TMX1: variants seen among roughly 807,000 people sequenced by gnomAD.
TMX1 encodes thioredoxin-related transmembrane protein 1.
In TMX1, 25 loss-of-function variants were observed where a neutral mutation model predicts 36.6. That is an observed-to-expected ratio of 0.68 (90% CI 0.50 to 0.95). The LOEUF (loss-of-function observed/expected upper bound fraction) is 0.95. Ranked by LOEUF, TMX1 falls within the 40% of genes least tolerant of loss-of-function variation. The probability of loss-of-function intolerance (pLI) is 0.00; values close to 1 mark genes in which losing one functional copy is unlikely to be tolerated. For synonymous variants in TMX1, 133 were observed against 118.0 expected, an observed-to-expected ratio of 1.13 and a Z score of -0.82; for missense variants, 347 against 339.6, an observed-to-expected ratio of 1.02 and a Z score of -0.17.
At chr14:51,245,507 T>TA (rs2065781717) in intron 3 of TMX1, 149 bp downstream of exon 3, 4 of 1,528,666 alleles carry the variant, frequency 2.6e-6, no homozygotes, top group African/African-American at 2.7e-5. Context: ...TGCTTAGTGT[T>TA]ATCCTAGGTG....
intron 4 of TMX1, among the ~76,000 whole-genome samples, chr14:51,247,506 A>G (rs1202854033): frequency 1.3e-5 from 2 of 151,386 alleles, no homozygotes; most frequent in African/African-American, 2.4e-5. Flanking sequence ...ACAGGTGCCC[A>G]CCGCCACACG....
At chr14:51,241,514 G>T (rs1191251648) in intron 1 of TMX1, among the ~76,000 whole-genome samples, 1 of 152,086 alleles carries the variant, frequency 6.6e-6, no homozygotes, top group African/African-American at 2.4e-5. Flanking sequence ...TGCTGTGCTG[G>T]CTTTCTTTGG....
chr14:51,240,505 G>C (rs1469373343), intron 1 of TMX1, 61 bp downstream of exon 1: 1 of 1,568,642 alleles, frequency 6.4e-7, no homozygotes. Flanking sequence ...CACCCCGCAC[G>C]TTCCTCGTGC....
chr14:51,250,648 C>T lies in TMX1; in HGVS notation c.664+883C>T, dbSNP rs148314643. Among the ~76,000 whole-genome samples the T allele has an allele frequency of 2.8e-3, 419 of 152,258 alleles. 1 individual carries two copies. Among genetic ancestry groups the T allele is most frequent in the South Asian group, 0.013 (64 of 4,824 alleles). On this transcript the variant is annotated intron_variant, in intron 7 of 7. Coordinates refer to ENST00000457354, the MANE Select transcript of TMX1 (RefSeq NM_030755.5). ...CTGGGACTACAGGTGCCCACCACCACGCCCGGCTAATTTTTTGTGTTTTTA... is the reference window on the plus strand; with the variant it reads ...CTGGGACTACAGGTGCCCACCACCATGCCCGGCTAATTTTTTGTGTTTTTA...
rs959559090 is a variant in TMX1 at position 51,256,421 on chromosome 14, A to C, written c.*1902A>C. ...GGAAACATATAATCTCACGGTTCTTAAAGATTGTCACTGTAGACATCTGAG... is the reference window on the plus strand; with the variant it reads ...GGAAACATATAATCTCACGGTTCTTCAAGATTGTCACTGTAGACATCTGAG... On this transcript the variant is annotated 3_prime_UTR_variant, in exon 8 of 8. Transcript: ENST00000457354. 6.6e-6 allele frequency: 1 copy of C among 152,198 alleles called. No homozygotes were observed. Among genetic ancestry groups the C allele is most frequent in the African/African-American group, 2.4e-5 (1 of 41,464 alleles). The allele number at this position is 152,198 out of a possible 1,614,324, so 9.4% of individuals were successfully genotyped here. A position where few individuals can be genotyped will look rare whatever the true frequency, so the allele number is the denominator to read the frequency against.
chr14:51,240,513 T>A, intron 1 of TMX1, 69 bp downstream of exon 1: 1 of 1,557,128 alleles, frequency 6.4e-7, no homozygotes, highest in Non-Finnish European at 8.7e-7. Context: ...ACGTTCCTCG[T>A]GCGGGTCGCA....
chr14:51,249,716 C>T lies in TMX1; in HGVS notation c.615C>T (p.Cys205=). The part of the protein sequence containing the change: ...LGLCMIFVAD[C]LCPSKRRRPQ... ...AGTGTATGATATTTGTGGCAGATTGCCTTTGTCCTTCAAAAAGGCGCAGAC... is the reference window on the plus strand; with the variant it reads ...AGTGTATGATATTTGTGGCAGATTGTCTTTGTCCTTCAAAAAGGCGCAGAC... Residue 205 remains cysteine, a synonymous_variant, in exon 7 of 8, where the codon TGC becomes TGT. Transcript: ENST00000457354. 4 of 1,613,550 alleles carry T rather than the reference C, an allele frequency of 2.5e-6. No homozygotes were observed. The highest frequency in any genetic ancestry group is 3.4e-6 in the Non-Finnish European group (4 of 1,179,692).
chr14:51,251,867 C>T (rs2065815750), intron 7 of TMX1, among the ~76,000 whole-genome samples: 1 of 152,176 alleles, frequency 6.6e-6, no homozygotes. Flanking sequence ...CTGAGGACCA[C>T]TATTTGAGAA....
intron 4 of TMX1, among the ~76,000 whole-genome samples, chr14:51,247,892 C>T (rs1247656571): frequency 4.6e-5 from 7 of 152,320 alleles, no homozygotes; most frequent in African/African-American, 1.7e-4. Context: ...AACTTGTACT[C>T]ATGCTACCTC....
chr14:51,248,036 C>T (rs1234647461), intron 4 of TMX1, among the ~76,000 whole-genome samples: 1 of 152,208 alleles, frequency 6.6e-6, no homozygotes, highest in Non-Finnish European at 1.5e-5. Context: ...GTTATTCCAC[C>T]TGTCTGATAA....
chr14:51,252,481 G>A (rs1596408236), intron 7 of TMX1, among the ~76,000 whole-genome samples: 3 of 151,926 alleles, frequency 2.0e-5, no homozygotes, highest in Non-Finnish European at 1.5e-5. Context: ...CCTCCTTTGT[G>A]AAATGAAAGT....
At position 51,254,511 on chromosome 14, in the gene TMX1, A is replaced by G. The variant is rs756371963; in HGVS notation, c.835A>G (p.Lys279Glu). The G allele has an allele frequency of 4.4e-6, 7 of 1,588,096 alleles. No homozygotes were observed. The Admixed American group carries it at 9.7e-5, about 22-fold the overall frequency. ...TCTGGGTCCATCATTGGCCACAGAT[A>G]AATCCTAGTTAAATTTTATAGTTAT... Reference protein sequence around the residue: ...RSLGPSLATDKS With the variant: ...RSLGPSLATDES Residue 279 changes from lysine (K) to glutamate (E), a missense_variant, in exon 8 of 8, where the codon AAA becomes GAA. Transcript: ENST00000457354.
At chr14:51,241,843 A>G (rs1298784023) in intron 1 of TMX1, among the ~76,000 whole-genome samples, 1 of 152,190 alleles carries the variant, frequency 6.6e-6, no homozygotes, top group Non-Finnish European at 1.5e-5. Context: ...TTAAAAAAAC[A>G]AAACTGGCCG....
intron 7 of TMX1, 133 bp from the exon 8 acceptor site, chr14:51,254,208 T>A: frequency 1.6e-6 from 1 of 640,560 alleles, no homozygotes; most frequent in Non-Finnish European, 2.4e-6. Context: ...TGAATAACTT[T>A]CCTTTTGGAC....
chr14:51,240,833 A>G (rs548484189), intron 1 of TMX1, among the ~76,000 whole-genome samples: 1 of 152,252 alleles, frequency 6.6e-6, no homozygotes, highest in South Asian at 2.1e-4. Context: ...TATTTTCACC[A>G]CATTTTACAT....
chr14:51,250,347 G>A (rs557568573), intron 7 of TMX1, among the ~76,000 whole-genome samples: 27 of 152,346 alleles, frequency 1.8e-4, no homozygotes, highest in African/African-American at 6.3e-4. Flanking sequence ...CAGCACCTCT[G>A]TAGTAGAGTG....
Position 51,243,837 on chromosome 14 carries a change from A to T in TMX1, c.153-19A>T. 1 of 1,567,876 alleles carries T rather than the reference A, an allele frequency of 6.4e-7. No homozygotes were observed. The highest frequency in any genetic ancestry group is 1.2e-5 in the South Asian group (1 of 81,354). ...CTAAAGTGCTTAACTTTTTTTAAAA[A>T]AAAATCTGTATTTCTTAGTTATGCC... On this transcript the variant is annotated intron_variant, in intron 1 of 7. Transcript: ENST00000457354.
chr14:51,246,281 A>G (rs747623730), intron 3 of TMX1, among the ~76,000 whole-genome samples: 1 of 152,046 alleles, frequency 6.6e-6, no homozygotes, highest in Non-Finnish European at 1.5e-5. Flanking sequence ...CTTTTAGTCA[A>G]AATTGTTTAC....
chr14:51,244,209 G>A, intron 2 of TMX1: 1 of 315,098 alleles, frequency 3.2e-6, no homozygotes, highest in East Asian at 5.3e-5. Context: ...TGCTTTAAGG[G>A]TTCTTGAAGA....
Sources: gnomAD v4.1 joint callset for allele counts (sites outside exome capture counted in the v4.1 genomes callset) on GRCh38, gnomAD v4.1.1 for gene constraint, MANE v1.5 for transcripts, NCBI Gene and HGNC (gene_info 2026-07-23, HGNC 2026-07-21) for gene names.